RB1CC1: variants seen among roughly 807,000 people sequenced by gnomAD.
The protein encoded by RB1CC1 is RB1-inducible coiled-coil protein 1.
Under a neutral mutation model 177.5 loss-of-function variants are expected in RB1CC1, and 46 were observed. The observed-to-expected ratio is 0.26, with a 90% confidence interval of 0.20 to 0.33. The LOEUF is 0.33. Ranked by LOEUF, RB1CC1 falls within the 10% of genes least tolerant of loss-of-function variation. The pLI is 1.00. For synonymous variants in RB1CC1, 666 were observed against 613.6 expected (o/e 1.09, Z -1.26); for missense variants, 1,703 against 1,816.3 (o/e 0.94, Z 1.13).
chr8:52,667,508 G>A (rs559724951), intron 8 of RB1CC1, among the ~76,000 whole-genome samples: 37 of 152,222 alleles, frequency 2.4e-4, no homozygotes, highest in Admixed American at 3.3e-4. Context: ...GAGAGGCACT[G>A]GTTTGCTTAG....
At chr8:52,628,799 C>T (rs1375975005) in intron 21 of RB1CC1, among the ~76,000 whole-genome samples, 2 of 152,106 alleles carry the variant, frequency 1.3e-5, no homozygotes, top group Non-Finnish European at 2.9e-5. Context: ...ATCAAAAGGC[C>T]TTGAAAATCA....
In RB1CC1 at chr8:52,623,410, GTAA is replaced by G; in HGVS notation, c.*369_*371del. The G allele has an allele frequency of 3.2e-6, 1 of 312,610 alleles. No homozygotes were observed. 19.4% of individuals were successfully genotyped at this position (312,610 alleles called of 1,614,324 possible). ...TGATTTCACAAAAGGACAAATGCTG[GTAA>G]TAATAACATTTAACATCTAAGTTCA... On this transcript the variant is annotated 3_prime_UTR_variant, in exon 24 of 24. Coordinates refer to ENST00000025008, the MANE Select transcript of RB1CC1 (RefSeq NM_014781.5).
At chr8:52,679,093 C>T (rs781680701) in intron 5 of RB1CC1, among the ~76,000 whole-genome samples, 3 of 152,158 alleles carry the variant, frequency 2.0e-5, no homozygotes, top group Non-Finnish European at 4.4e-5. Flanking sequence ...ATAAAAAGGG[C>T]ACCCACTGTG....
intron 1 of RB1CC1, among the ~76,000 whole-genome samples, chr8:52,701,269 C>T (rs144428467): frequency 1.3e-5 from 2 of 152,106 alleles, no homozygotes; most frequent in African/African-American, 2.4e-5. Context: ...ATTACACGCA[C>T]CCACCACCAC....
chr8:52,652,466 A>G (rs1448241004), intron 15 of RB1CC1, among the ~76,000 whole-genome samples: 2 of 151,786 alleles, frequency 1.3e-5, no homozygotes, highest in African/African-American at 4.8e-5. Context: ...TCTCAAAAAA[A>G]AAAAAAAAAA....
rs1290258530 is a variant in RB1CC1 at position 52,683,530 on chromosome 8, A to T, written c.369+19T>A. The T allele has an allele frequency of 4.6e-6, 7 of 1,526,784 alleles. No individual in the cohort carries two copies. The highest frequency in any genetic ancestry group is 6.2e-6 in the Non-Finnish European group (7 of 1,136,888). 94.6% of individuals were successfully genotyped at this position (1,526,784 alleles called of 1,614,324 possible). A position where few individuals can be genotyped will look rare whatever the true frequency, so the allele number is the denominator to read the frequency against. On this transcript the variant is annotated intron_variant, in intron 5 of 23. Coordinates refer to ENST00000025008, the MANE Select transcript of RB1CC1 (RefSeq NM_014781.5). Reference sequence around the variant, plus strand: ...ATGCTTTTAGAAACAATCAGTTAAAATAATTGTTTATATCTTACCAATGCA... The same window carrying T: ...ATGCTTTTAGAAACAATCAGTTAAATTAATTGTTTATATCTTACCAATGCA...
chr8:52,668,703 C>T (rs1430838321), intron 7 of RB1CC1, among the ~76,000 whole-genome samples: 1 of 152,148 alleles, frequency 6.6e-6, no homozygotes, highest in Admixed American at 6.6e-5. Flanking sequence ...TGCTGAAATT[C>T]ATGGAACCTA....
chr8:52,711,951 G>A (rs541595266), intron 1 of RB1CC1, among the ~76,000 whole-genome samples: 1 of 152,220 alleles, frequency 6.6e-6, no homozygotes, highest in African/African-American at 2.4e-5. Flanking sequence ...ATCAGTGGCC[G>A]GGCTTTGGGA....
chr8:52,703,302 C>T (rs1435699321), intron 1 of RB1CC1, among the ~76,000 whole-genome samples: 4 of 152,130 alleles, frequency 2.6e-5, no homozygotes, highest in South Asian at 2.1e-4. Context: ...ATCTGAGCAC[C>T]TACTATCTGC....
intron 18 of RB1CC1, among the ~76,000 whole-genome samples, chr8:52,638,288 T>C (rs59023670): frequency 0.024 from 3,635 of 152,278 alleles, 167 homozygotes; most frequent in African/African-American, 0.082. Flanking sequence ...ATGACATAAA[T>C]TGACTTTTAG....
At position 52,657,129 on chromosome 8, in the gene RB1CC1, T is replaced by C. The variant is rs1224872019; in HGVS notation, c.2700A>G (p.Val900=). The C allele has an allele frequency of 6.2e-7, 1 of 1,611,478 alleles. No individual in the cohort carries two copies. The highest frequency in any genetic ancestry group is 1.1e-5 in the South Asian group (1 of 90,846). The change falls in exon 15 of 24, where the codon GTA becomes GTG. Residue 900 remains valine (V), a synonymous_variant. Coordinates refer to ENST00000025008, the MANE Select transcript of RB1CC1 (RefSeq NM_014781.5). The part of the protein sequence containing the change: ...NKIKKLKGEL[V]CLEEVLQNKD... Reference sequence around the variant, plus strand: ...TATTTTGTAAAACCTCCTCAAGGCATACTAACTCTCCCTTCAATTTTTTAA... The same window carrying C: ...TATTTTGTAAAACCTCCTCAAGGCACACTAACTCTCCCTTCAATTTTTTAA...
At chr8:52,629,007 T>C (rs565506422) in intron 21 of RB1CC1, among the ~76,000 whole-genome samples, 3 of 152,048 alleles carry the variant, frequency 2.0e-5, no homozygotes, top group African/African-American at 7.2e-5. Context: ...AATGGGGAGA[T>C]GGGAAATGGG....
chr8:52,658,579 G>GAAAAAAAAAAA (rs67680393), intron 13 of RB1CC1, among the ~76,000 whole-genome samples: 4 of 98,804 alleles, frequency 4.0e-5, no homozygotes, highest in South Asian at 3.4e-4. Flanking sequence ...TCCGTCTCAA[G>GAAAAAAAAAAA]AAAAAAAAAA....
At position 52,700,400 on chromosome 8, in the gene RB1CC1, G is replaced by A. The variant is rs180771575; in HGVS notation, c.-166-13433C>T. Among the ~76,000 whole-genome samples the A allele has an allele frequency of 3.8e-3, 503 of 133,064 alleles. 3 individuals carry two copies. Among genetic ancestry groups the A allele is most frequent in the Non-Finnish European group, 5.4e-3 (341 of 63,208 alleles). 87.3% of individuals were successfully genotyped at this position (133,064 alleles called of 152,430 possible). On this transcript the variant is annotated intron_variant, in intron 1 of 23. Transcript: ENST00000025008. ...TATCCAGGTGTGGTGACGCACACCT[G>A]TAGTCCCAGTTATGGGGGGGTGGGG...
chr8:52,700,409 G>A (rs1855942594), intron 1 of RB1CC1, among the ~76,000 whole-genome samples: 1 of 114,608 alleles, frequency 8.7e-6, no homozygotes, highest in African/African-American at 3.4e-5. Context: ...TGTAGTCCCA[G>A]TTATGGGGGG....
At chr8:52,682,093 G>A (rs1033696380) in intron 5 of RB1CC1, among the ~76,000 whole-genome samples, 9 of 152,182 alleles carry the variant, frequency 5.9e-5, no homozygotes, top group South Asian at 2.1e-4. Flanking sequence ...GAAAGCAGCC[G>A]GGAGGGAGGC....
intron 1 of RB1CC1, among the ~76,000 whole-genome samples, chr8:52,711,508 T>C (rs1857059652): frequency 6.6e-6 from 1 of 152,236 alleles, no homozygotes; most frequent in Admixed American, 6.5e-5. Context: ...CATGAAAATT[T>C]CCAGTGGTTA....
In RB1CC1 at chr8:52,714,363, G is replaced by A. The variant is rs1295711013; in HGVS notation, c.-455C>T. On this transcript the variant is annotated 5_prime_UTR_variant, in exon 1 of 24. Coordinates refer to ENST00000025008, the MANE Select transcript of RB1CC1 (RefSeq NM_014781.5). ...AGCCGAGGGGCCCAGGCGACTGGGG[G>A]ATTCTGAGGCAACGCCGAGGGCTCG... The A allele has an allele frequency of 6.5e-6, 1 of 153,080 alleles. No individual in the cohort carries two copies. The highest frequency in any genetic ancestry group is 1.5e-5 in the Non-Finnish European group (1 of 68,382). 9.5% of individuals were successfully genotyped at this position (153,080 alleles called of 1,614,324 possible). A position where few individuals can be genotyped will look rare whatever the true frequency, so the allele number is the denominator to read the frequency against.
chr8:52,623,768 A>C lies in RB1CC1; in HGVS notation c.*14T>G. ...GAAAAAAATGTCATAGAATGTATTA[A>C]TTTTGTCCATAAGTTATACTTTCTT... On this transcript the variant is annotated 3_prime_UTR_variant, in exon 24 of 24. Coordinates refer to ENST00000025008, the MANE Select transcript of RB1CC1 (RefSeq NM_014781.5). 3.2e-6 allele frequency: 5 copies of C among 1,559,878 alleles called. No individual in the cohort carries two copies. Among genetic ancestry groups the C allele is most frequent in the Non-Finnish European group, 4.4e-6 (5 of 1,131,420 alleles).
Sources: gnomAD v4.1 joint callset for allele counts (sites outside exome capture counted in the v4.1 genomes callset) on GRCh38, gnomAD v4.1.1 for gene constraint, MANE v1.5 for transcripts, NCBI Gene and HGNC (gene_info 2026-07-23, HGNC 2026-07-21) for gene names.